The following USP6NL variants were observed in gnomAD, a reference collection of about 807,000 sequenced individuals.
USP6NL encodes USP6 N-terminal like.
A neutral mutation model predicts 61.9 loss-of-function variants in USP6NL; 26 were observed. The observed-to-expected ratio is 0.42, with a 90% confidence interval of 0.31 to 0.58. USP6NL has a LOEUF of 0.58. Among genes scored for constraint, USP6NL ranks in the 20% least tolerant of loss-of-function variants. USP6NL has a pLI of 0.16. For missense variants in USP6NL, 1,114 were observed against 1,034.3 expected (o/e 1.08, Z -1.06); for synonymous variants, 432 against 390.1 (o/e 1.11, Z -1.27).
chr10:11,542,880 G>GGGC (rs1836123173), intron 2 of USP6NL, among the ~76,000 whole-genome samples: 1 of 152,114 alleles, frequency 6.6e-6, no homozygotes, highest in Admixed American at 6.5e-5. Flanking sequence ...AGGAAAGACA[G>GGGC]GGCCCCGAGC....
At chr10:11,517,981 G>A (rs533585914) in intron 5 of USP6NL, among the ~76,000 whole-genome samples, 2 of 152,288 alleles carry the variant, frequency 1.3e-5, no homozygotes, top group Admixed American at 6.5e-5. Flanking sequence ...CCAGTTCCTT[G>A]CTATGTATAA....
rs959934785 is a variant in USP6NL at position 11,487,206 on chromosome 10, T to C, written c.665-1295A>G. Among the ~76,000 whole-genome samples the C allele has an allele frequency of 6.6e-6, 1 of 152,210 alleles. No individual in the cohort carries two copies. Among genetic ancestry groups the C allele is most frequent in the African/African-American group, 2.4e-5 (1 of 41,466 alleles). On this transcript the variant is annotated intron_variant, in intron 10 of 14. Coordinates refer to ENST00000609104, the MANE Select transcript of USP6NL (RefSeq NM_014688.5). The surrounding 1 kb of genome is among the most constrained non-coding windows in gnomAD (Gnocchi z 4.2). ...CTAAGAAGCCTAACAGTTCTTCATT[T>C]TCCACTGATGTTCCAGATCTCATAT...
chr10:11,460,638 TATATATATATATATATAA>T lies in USP6NL; in HGVS notation c.*1785_*1802del, dbSNP rs1003828326. 2.8e-4 allele frequency: 41 copies of T among 145,242 alleles called. No individual in the cohort carries two copies. The highest frequency in any genetic ancestry group is 1.0e-3 in the African/African-American group (41 of 39,654). 9.0% of individuals were successfully genotyped at this position (145,242 alleles called of 1,614,324 possible). On this transcript the variant is annotated 3_prime_UTR_variant, in exon 15 of 15. Transcript: ENST00000609104. The stretch of plus-strand genomic sequence containing the variant: ...TATATTTTTTGCATATATATATATA[TATATATATATATATATAA>T]AAATCTACAGTATTTACCACTGTTG...
At chr10:11,484,201 T>C (rs1271952561) in intron 13 of USP6NL, among the ~76,000 whole-genome samples, 2 of 152,200 alleles carry the variant, frequency 1.3e-5, no homozygotes, top group Non-Finnish European at 2.9e-5. Flanking sequence ...TATGAAGCTC[T>C]AGAGCTTTCA....
Position 11,553,280 on chromosome 10 carries a change from T to C in USP6NL, c.5-25713A>G, listed in dbSNP as rs1281997562. 3.3e-5 allele frequency among the ~76,000 whole-genome samples: 5 copies of C among 152,184 alleles called. No homozygotes were observed. Among genetic ancestry groups the C allele is most frequent in the Admixed American group, 6.5e-5 (1 of 15,278 alleles). On this transcript the variant is annotated intron_variant, in intron 2 of 14. Coordinates refer to ENST00000609104, the MANE Select transcript of USP6NL (RefSeq NM_014688.5). This position sits in a 1 kb window ranked among gnomAD's most constrained non-coding sequence, Gnocchi z 4.8. ...CCCAAGTGTGATCTATTGGGATCAT[T>C]TGGCAGGCATGTCGCAAGTAACTTG...
At position 11,591,503 on chromosome 10, in the gene USP6NL, A is replaced by G. The variant is rs1234558552; in HGVS notation, c.4+6128T>C. On this transcript the variant is annotated intron_variant, in intron 2 of 14. Transcript: ENST00000609104. The surrounding 1 kb of genome is among the most constrained non-coding windows in gnomAD (Gnocchi z 4.7). The stretch of plus-strand genomic sequence containing the variant: ...GTAAAAATAATTCAGAAGCTTTACT[A>G]AGCTTATACTACTATAGTAATTTAC... Among the ~76,000 whole-genome samples the G allele has an allele frequency of 6.6e-6, 1 of 152,180 alleles. No homozygotes were observed. Among genetic ancestry groups the G allele is most frequent in the Non-Finnish European group, 1.5e-5 (1 of 68,032 alleles).
chr10:11,564,040 G>A (rs1837034301), intron 2 of USP6NL: 1 of 152,224 alleles, frequency 6.6e-6, no homozygotes, highest in African/African-American at 2.4e-5. Flanking sequence ...AGCACAGCAT[G>A]TATATTTTGT....
rs954841928 is a variant in USP6NL at position 11,478,354 on chromosome 10, G to A, written c.1078+3416C>T. Among the ~76,000 whole-genome samples the A allele has an allele frequency of 2.0e-5, 3 of 152,176 alleles. No individual in the cohort carries two copies. The highest frequency in any genetic ancestry group is 7.2e-5 in the African/African-American group (3 of 41,448). On this transcript the variant is annotated intron_variant, in intron 14 of 14. Coordinates refer to ENST00000609104, the MANE Select transcript of USP6NL (RefSeq NM_014688.5). The surrounding 1 kb of genome is among the most constrained non-coding windows in gnomAD (Gnocchi z 6.8). ...GACAGCCACGTTTCATATGGTACAC[G>A]AGTGGGGGATGGAATGTGAGACCAG...
chr10:11,550,049 A>G (rs919355456), intron 2 of USP6NL, among the ~76,000 whole-genome samples: 1 of 152,218 alleles, frequency 6.6e-6, no homozygotes, highest in African/African-American at 2.4e-5. Context: ...TTGTCAACAA[A>G]TGGTGCTGAA....
chr10:11,538,511 A>G (rs1383095630), intron 2 of USP6NL, among the ~76,000 whole-genome samples: 1 of 152,190 alleles, frequency 6.6e-6, no homozygotes, highest in East Asian at 1.9e-4. Flanking sequence ...GATGCTCATT[A>G]AATATTTCTT....
In USP6NL at chr10:11,490,899, A is replaced by C; in HGVS notation, c.495-19T>G. The C allele has an allele frequency of 6.6e-7, 1 of 1,518,318 alleles. No homozygotes were observed. Among genetic ancestry groups the C allele is most frequent in the Non-Finnish European group, 8.8e-7 (1 of 1,134,650 alleles). 94.1% of individuals were successfully genotyped at this position (1,518,318 alleles called of 1,614,324 possible). On this transcript the variant is annotated intron_variant, in intron 8 of 14. Coordinates refer to ENST00000609104, the MANE Select transcript of USP6NL (RefSeq NM_014688.5). This position sits in a 1 kb window ranked among gnomAD's most constrained non-coding sequence, Gnocchi z 4.5. ...TTGTTGCCTAGAGAAAAAAATTTACATTAAATACAATTTAGTAATTTCACA... is the reference window on the plus strand; with the variant it reads ...TTGTTGCCTAGAGAAAAAAATTTACCTTAAATACAATTTAGTAATTTCACA...
chr10:11,499,814 T>G lies in USP6NL; in HGVS notation c.384+1287A>C, dbSNP rs2133301582. On this transcript the variant is annotated intron_variant, in intron 7 of 14. Transcript: ENST00000609104. This position sits in a 1 kb window ranked among gnomAD's most constrained non-coding sequence, Gnocchi z 4.5. ...AGAACTGTGTGAGAGAGAGTTCTGT[T>G]GTTTTGAGCCGCTTAGTTTGTGGTA... 6.6e-6 allele frequency among the ~76,000 whole-genome samples: 1 copy of G among 152,338 alleles called. No homozygotes were observed. The highest frequency in any genetic ancestry group is 2.1e-4 in the South Asian group (1 of 4,822).
chr10:11,577,838 G>C (rs781015748), intron 2 of USP6NL, among the ~76,000 whole-genome samples: 1 of 152,040 alleles, frequency 6.6e-6, no homozygotes, highest in African/African-American at 2.4e-5. Context: ...GCCTGGCCTT[G>C]TACCTTAGTA....
At chr10:11,547,535 T>C (rs926597975) in intron 2 of USP6NL, among the ~76,000 whole-genome samples, 2 of 146,398 alleles carry the variant, frequency 1.4e-5, no homozygotes, top group East Asian at 2.1e-4. Context: ...CATAAAGCAT[T>C]TTAAAACTTT....
Position 11,474,688 on chromosome 10 carries a change from TG to T in USP6NL, c.1078+7081del, listed in dbSNP as rs1198476602. Among the ~76,000 whole-genome samples the T allele has an allele frequency of 1.3e-5, 2 of 152,168 alleles. No individual in the cohort carries two copies. The highest frequency in any genetic ancestry group is 1.5e-5 in the Non-Finnish European group (1 of 68,036). On this transcript the variant is annotated intron_variant, in intron 14 of 14. Transcript: ENST00000609104. This position sits in a 1 kb window ranked among gnomAD's most constrained non-coding sequence, Gnocchi z 4.9. The stretch of plus-strand genomic sequence containing the variant: ...ATCCTGTGCATAGAAAATTTGTCCT[TG>T]AATTAATGATTTTTTTTAAAAAAAA...
At chr10:11,593,589 T>A (rs1207594577) in intron 2 of USP6NL, among the ~76,000 whole-genome samples, 1 of 152,242 alleles carries the variant, frequency 6.6e-6, no homozygotes, top group African/African-American at 2.4e-5. Flanking sequence ...AAAGGCTTTT[T>A]GTGGATTGTA....
chr10:11,524,421 G>A (rs1835340325), intron 4 of USP6NL, among the ~76,000 whole-genome samples: 1 of 152,052 alleles, frequency 6.6e-6, no homozygotes, highest in African/African-American at 2.4e-5. Context: ...AGCACAAAAT[G>A]GCTACATGAC....
rs2096221761 is a variant in USP6NL at position 11,462,909 on chromosome 10, A to G, written c.2019T>C (p.Ser673=). ...QLNPSRRPHG[S]TLSVSASPEK... is the part of the protein sequence containing the mutation. ...CCGGAGAAGCACTGACGGAAAGAGTAGAACCATGAGGTCTCCTGGAAGGAT... is the reference window on the plus strand; with the variant it reads ...CCGGAGAAGCACTGACGGAAAGAGTGGAACCATGAGGTCTCCTGGAAGGAT... Residue 673 remains serine (S), a synonymous_variant, in exon 15 of 15, where the codon TCT becomes TCC. Transcript: ENST00000609104. 2 of 1,613,540 alleles carry G rather than the reference A, an allele frequency of 1.2e-6. No homozygotes were observed. Among genetic ancestry groups the G allele is most frequent in the Non-Finnish European group, 1.7e-6 (2 of 1,179,720 alleles).
At chr10:11,493,957 G>C (rs1376409451) in intron 7 of USP6NL, among the ~76,000 whole-genome samples, 5 of 152,204 alleles carry the variant, frequency 3.3e-5, no homozygotes, top group Admixed American at 2.6e-4. Context: ...TGCTGGGGTG[G>C]TTTTCTCCCA....
Sources: gnomAD v4.1 joint callset for allele counts (sites outside exome capture counted in the v4.1 genomes callset) on GRCh38, gnomAD v4.1.1 for gene constraint, Gnocchi (gnomAD v3.1) non-coding constraint, MANE v1.5 for transcripts, NCBI Gene and HGNC (gene_info 2026-07-23, HGNC 2026-07-21) for gene names.